Variants in SORCS3 observed in about 807,000 individuals in gnomAD.
The protein encoded by SORCS3 is sortilin related VPS10 domain containing receptor 3.
SORCS3 carries 57 observed loss-of-function variants against 146.3 expected under a neutral mutation model. The ratio of observed to expected loss-of-function variants is 0.39; its 90% CI spans 0.31 to 0.49. The LOEUF is 0.49. Among genes scored for constraint, SORCS3 ranks in the 20% least tolerant of loss-of-function variants. SORCS3 has a pLI of 0.92. For missense variants in SORCS3, 1,341 were observed against 1,575.5 expected (o/e 0.85, Z 2.52); for synonymous variants, 653 against 618.5 (o/e 1.06, Z -0.83).
chr10:104,833,263 G>T (rs192014566), intron 1 of SORCS3, among the ~76,000 whole-genome samples: 2 of 152,214 alleles, frequency 1.3e-5, no homozygotes, highest in African/African-American at 4.8e-5. Context: ...AGAAGAAATT[G>T]CCTTCTCTGA....
chr10:105,115,105 T>C (rs1269787438), intron 7 of SORCS3, among the ~76,000 whole-genome samples: 1 of 152,140 alleles, frequency 6.6e-6, no homozygotes, highest in Non-Finnish European at 1.5e-5. Context: ...TTCAAATAGC[T>C]AGTGGTCTGA....
At chr10:105,014,480 T>C (rs906160720) in intron 4 of SORCS3, among the ~76,000 whole-genome samples, 13 of 152,156 alleles carry the variant, frequency 8.5e-5, no homozygotes, top group Non-Finnish European at 1.5e-4. Context: ...CCAAAAATGG[T>C]ATGTGAAAAG....
intron 19 of SORCS3, among the ~76,000 whole-genome samples, chr10:105,221,965 A>T (rs1446286006): frequency 1.3e-5 from 2 of 151,862 alleles, no homozygotes; most frequent in African/African-American, 4.8e-5. Flanking sequence ...GGAGTTAGGA[A>T]AGGAGGGAAA....
intron 4 of SORCS3, among the ~76,000 whole-genome samples, chr10:105,010,122 T>C (rs903870541): frequency 9.2e-5 from 14 of 152,312 alleles, no homozygotes; most frequent in South Asian, 2.1e-4. Flanking sequence ...ACCTCTGCTC[T>C]TTCCCATGCA....
Position 104,724,937 on chromosome 10 carries a change from C to T in SORCS3, c.627+82983C>T, listed in dbSNP as rs531955111. 2.1e-3 allele frequency among the ~76,000 whole-genome samples: 325 copies of T among 152,244 alleles called. 1 individual carries two copies. The highest frequency in any genetic ancestry group is 3.3e-3 in the Non-Finnish European group (226 of 68,018). ...TGAGTTCGAACTTCCTCCTTTAGCT[C>T]GGAGTAGTTTGATAATCTGAAGCCT... is the stretch of plus-strand genomic sequence containing the variant. On this transcript the variant is annotated intron_variant, in intron 1 of 26. Transcript: ENST00000369701.
At chr10:104,908,471 T>A (rs2133594968) in intron 2 of SORCS3, among the ~76,000 whole-genome samples, 1 of 152,314 alleles carries the variant, frequency 6.6e-6, no homozygotes, top group South Asian at 2.1e-4. Context: ...AAGCTAGGTA[T>A]CTTATTACTC....
chr10:104,900,548 C>T (rs1174327859), intron 2 of SORCS3, among the ~76,000 whole-genome samples: 1 of 152,136 alleles, frequency 6.6e-6, no homozygotes, highest in Non-Finnish European at 1.5e-5. Context: ...GGAGCCTCCA[C>T]ATAATCTTAT....
chr10:105,099,458 A>C (rs1450577273), intron 6 of SORCS3, among the ~76,000 whole-genome samples: 1 of 152,232 alleles, frequency 6.6e-6, no homozygotes, highest in African/African-American at 2.4e-5. Flanking sequence ...TCTCAAAGGC[A>C]AAACATAATC....
At chr10:104,692,660 A>G (rs958200434) in intron 1 of SORCS3, among the ~76,000 whole-genome samples, 2 of 152,218 alleles carry the variant, frequency 1.3e-5, no homozygotes, top group Non-Finnish European at 2.9e-5. Flanking sequence ...TTAATAGACT[A>G]CACATTTTCA....
chr10:104,955,514 A>G (rs997630119), intron 3 of SORCS3, among the ~76,000 whole-genome samples: 2 of 152,148 alleles, frequency 1.3e-5, no homozygotes, highest in Non-Finnish European at 2.9e-5. Flanking sequence ...TCTGTTTTTC[A>G]TTCCTTTGGG....
chr10:104,668,027 G>A (rs17117534), intron 1 of SORCS3, among the ~76,000 whole-genome samples: 4 of 152,132 alleles, frequency 2.6e-5, no homozygotes, highest in African/African-American at 7.2e-5. Flanking sequence ...AGGCGCCTTC[G>A]TGGCACTCCT....
At chr10:104,786,778 T>C (rs911796479) in intron 1 of SORCS3, among the ~76,000 whole-genome samples, 2 of 152,060 alleles carry the variant, frequency 1.3e-5, no homozygotes, top group African/African-American at 4.8e-5. Context: ...AATTGAAGAA[T>C]TGTGCAGGAT....
intron 1 of SORCS3, among the ~76,000 whole-genome samples, chr10:104,722,295 T>G (rs954888999): frequency 4.7e-4 from 72 of 152,380 alleles, no homozygotes; most frequent in Admixed American, 2.3e-3. Context: ...GATTTGCATA[T>G]GTTGAACCAG....
intron 1 of SORCS3, among the ~76,000 whole-genome samples, chr10:104,825,058 A>T (rs11192198): frequency 0.11 from 16,675 of 152,198 alleles, 1,037 homozygotes; most frequent in South Asian, 0.25. Flanking sequence ...CCAGGCTTTT[A>T]TCTCTGTGTC....
At chr10:105,162,695 A>G (rs2056275902) in intron 11 of SORCS3, among the ~76,000 whole-genome samples, 1 of 152,160 alleles carries the variant, frequency 6.6e-6, no homozygotes, top group Non-Finnish European at 1.5e-5. Context: ...AAGGCCCCCA[A>G]AATCCATCTA....
At chr10:104,906,686 G>A (rs1344598849) in intron 2 of SORCS3, among the ~76,000 whole-genome samples, 1 of 152,146 alleles carries the variant, frequency 6.6e-6, no homozygotes, top group Non-Finnish European at 1.5e-5. Flanking sequence ...ATCCTCTTGT[G>A]ATTCTTTTGG....
At chr10:104,780,070 G>T (rs2017356730) in intron 1 of SORCS3, among the ~76,000 whole-genome samples, 1 of 151,778 alleles carries the variant, frequency 6.6e-6, no homozygotes, top group African/African-American at 2.4e-5. Flanking sequence ...AGGGGTGACG[G>T]GTGGTACAAA....
At chr10:104,653,458 G>A (rs1266081231) in intron 1 of SORCS3, among the ~76,000 whole-genome samples, 1 of 151,954 alleles carries the variant, frequency 6.6e-6, no homozygotes, top group African/African-American at 2.4e-5. Flanking sequence ...CCATTCCTCT[G>A]TTGTGGGCTG....
At chr10:104,849,453 G>A (rs1447206559) in intron 2 of SORCS3, among the ~76,000 whole-genome samples, 2 of 148,970 alleles carry the variant, frequency 1.3e-5, no homozygotes, top group African/African-American at 4.9e-5. Context: ...GACTATTTCA[G>A]GTATTGGTAG....
Sources: allele counts gnomAD v4.1 joint callset (sites outside exome capture counted in the v4.1 genomes callset), GRCh38; gene constraint gnomAD v4.1.1; transcripts MANE v1.5; gene names NCBI Gene and HGNC (gene_info 2026-07-23, HGNC 2026-07-21).